Variants in MTA1 observed in about 807,000 individuals in gnomAD.
MTA1 encodes the protein metastasis-associated protein MTA1.
In MTA1, 15 loss-of-function variants were observed where a neutral mutation model predicts 97.0. That is an observed-to-expected ratio of 0.15 (90% CI 0.10 to 0.24). MTA1 has a LOEUF of 0.24. Ranked by LOEUF, MTA1 falls within the 10% of genes least tolerant of loss-of-function variation. MTA1 has a pLI of 1.00. For missense variants in MTA1, 709 were observed against 1,015.1 expected, an observed-to-expected ratio of 0.70 and a Z score of 4.10; for synonymous variants, 435 against 417.5, an observed-to-expected ratio of 1.04 and a Z score of -0.51.
chr14:105,462,181 T>C (rs2083383024), intron 10 of MTA1, among the ~76,000 whole-genome samples: 1 of 152,228 alleles, frequency 6.6e-6, no homozygotes, highest in East Asian at 1.9e-4. Context: ...TTCGGGGCTG[T>C]GTCGAGGGAG....
At chr14:105,429,005 T>C (rs1387142101) in intron 1 of MTA1, among the ~76,000 whole-genome samples, 1 of 152,218 alleles carries the variant, frequency 6.6e-6, no homozygotes. Context: ...ATTACAGGCA[T>C]GAGCCATTGT....
chr14:105,466,074 G>A (rs782749454), intron 16 of MTA1: 116 of 255,666 alleles, frequency 4.5e-4, no homozygotes, highest in Non-Finnish European at 8.2e-4. Flanking sequence ...CAGCAGCTCC[G>A]GGGGCCTGGA....
intron 6 of MTA1, among the ~76,000 whole-genome samples, chr14:105,451,792 T>TG (rs1217744558): frequency 1.4e-5 from 2 of 142,086 alleles, no homozygotes; most frequent in African/African-American, 5.2e-5. Flanking sequence ...TGTTTTTTTT[T>TG]TTTTTTTTTT....
intron 1 of MTA1, among the ~76,000 whole-genome samples, chr14:105,423,623 C>A (rs2081919193): frequency 6.6e-6 from 1 of 152,242 alleles, no homozygotes; most frequent in South Asian, 2.1e-4. Context: ...AGCCCCTGCC[C>A]CTGCAGGGCC....
At chr14:105,467,556 C>T (rs1189637739) in intron 18 of MTA1, 7 of 447,656 alleles carry the variant, frequency 1.6e-5, no homozygotes, top group Non-Finnish European at 2.7e-5. Flanking sequence ...GGCCTGAGAT[C>T]GGGTGCCGGG....
At position 105,464,857 on chromosome 14, in the gene MTA1, G is replaced by A; in HGVS notation, c.1528G>A (p.Ala510Thr). 3 of 1,572,952 alleles carry A rather than the reference G, an allele frequency of 1.9e-6. No homozygotes were observed. The highest frequency in any genetic ancestry group is 2.6e-6 in the Non-Finnish European group (3 of 1,155,494). The change falls in exon 15 of 21, where the codon GCC (alanine) becomes ACC (threonine). Residue 510 changes from alanine (A) to threonine (T), a missense_variant. Physicochemically the swap from Ala to Thr is moderately conservative, Grantham distance 58. This residue lies in a region of MTA1 where 388 missense variants were observed against 421.6 expected (regional missense o/e 0.92). Transcript: ENST00000331320. ...GCCCATCAACAGCGCGGCCATCAAG[G>A]CCGAGTGTGAGTCACCCCAACGCCC... ...YLPINSAAIK[A>T]ECTARLPEAS...
rs587722364 is a variant in MTA1 at position 105,463,501 on chromosome 14, G to A, written c.1026G>A (p.Leu342=). 6.2e-7 allele frequency: 1 copy of A among 1,613,158 alleles called. No individual in the cohort carries two copies. Among genetic ancestry groups the A allele is most frequent in the South Asian group, 1.1e-5 (1 of 91,082 alleles). Reference sequence around the variant, plus strand: ...TTCTCTTTTGTTTTAAGAAACGCTTGAAAGCAGCTGAAGCTGAGAGCAAGT... The same window carrying A: ...TTCTCTTTTGTTTTAAGAAACGCTTAAAAGCAGCTGAAGCTGAGAGCAAGT... The part of the protein sequence containing the change: ...TTDRYVQQKR[L]KAAEAESKLK... Residue 342 remains leucine (L), a synonymous_variant, in exon 12 of 21, where the codon TTG becomes TTA. Transcript: ENST00000331320. This position sits in a 1 kb window ranked among gnomAD's most constrained non-coding sequence, Gnocchi z 5.9.
chr14:105,469,795 G>A (rs1344434006), intron 19 of MTA1, 46 bp from the exon 20 acceptor site: 34 of 1,507,506 alleles, frequency 2.3e-5, no homozygotes, highest in Non-Finnish European at 3.0e-5. Flanking sequence ...GGTTGAGGTG[G>A]AGCTGGCCCT....
At chr14:105,462,548 C>T (rs60837482) in intron 10 of MTA1, among the ~76,000 whole-genome samples, 11,709 of 149,666 alleles carry the variant, frequency 0.078, 1,048 homozygotes, top group African/African-American at 0.22. Context: ...CCAGCCTGGG[C>T]GACAGTGCGA....
intron 7 of MTA1, among the ~76,000 whole-genome samples, chr14:105,455,102 C>T (rs782818514): frequency 6.6e-5 from 10 of 152,102 alleles, no homozygotes; most frequent in Non-Finnish European, 1.2e-4. Flanking sequence ...GACAGGGTTT[C>T]GCCATGTTGC....
At chr14:105,469,300 G>A (rs1363223642) in intron 18 of MTA1, 167 bp from the exon 19 acceptor site, 37 of 714,344 alleles carry the variant, frequency 5.2e-5, no homozygotes, top group South Asian at 3.9e-4. Context: ...CCCAGGACCC[G>A]GGGATGCGAG....
intron 7 of MTA1, 97 bp from the exon 8 acceptor site, chr14:105,458,173 C>G (rs2083223088): frequency 2.0e-6 from 2 of 1,010,370 alleles, no homozygotes. Context: ...GCCCTTCCCC[C>G]TCCCCGTCCC....
chr14:105,458,534 G>T (rs1044878838), intron 8 of MTA1, among the ~76,000 whole-genome samples, 162 bp downstream of exon 8: 7 of 152,202 alleles, frequency 4.6e-5, no homozygotes, highest in African/African-American at 1.7e-4. Context: ...TTCCCAGAGA[G>T]GCTCGGGAGT....
chr14:105,464,479 C>T lies in MTA1; in HGVS notation c.1256C>T (p.Ser419Phe), dbSNP rs1567043452. Residue 419 changes from serine (S) to phenylalanine (F), a missense_variant, in exon 14 of 21, where the codon TCT becomes TTT. Ser to Phe is a radical substitution (Grantham distance 155). Coordinates refer to ENST00000331320, the MANE Select transcript of MTA1 (RefSeq NM_004689.4). ...AACATGCAGTGTCGTCTCTGCGCAT[C>T]TTGTTGGACATATTGGAAGAAATAT... is the stretch of plus-strand genomic sequence containing the variant. ...PPNMQCRLCA[S>F]CWTYWKKYGG... The T allele has an allele frequency of 6.2e-7, 1 of 1,613,650 alleles. No homozygotes were observed. The highest frequency in any genetic ancestry group is 8.5e-7 in the Non-Finnish European group (1 of 1,179,960).
At position 105,463,905 on chromosome 14, in the gene MTA1, C is replaced by A; in HGVS notation, c.1077-127C>A. 1.1e-6 allele frequency: 1 copy of A among 872,580 alleles called. No individual in the cohort carries two copies. Among genetic ancestry groups the A allele is most frequent in the Non-Finnish European group, 1.9e-6 (1 of 528,818 alleles). 54.1% of individuals were successfully genotyped at this position (872,580 alleles called of 1,614,324 possible). A position where few individuals can be genotyped will look rare whatever the true frequency, so the allele number is the denominator to read the frequency against. Reference sequence around the variant, plus strand: ...GAAAGGGGAGAAAGGAAGATCCCTGCCGAGGCCGAGGGGTGCGAGGACGTG... The same window carrying A: ...GAAAGGGGAGAAAGGAAGATCCCTGACGAGGCCGAGGGGTGCGAGGACGTG... On this transcript the variant is annotated intron_variant, in intron 12 of 20. Coordinates refer to ENST00000331320, the MANE Select transcript of MTA1 (RefSeq NM_004689.4). The surrounding 1 kb of genome is among the most constrained non-coding windows in gnomAD (Gnocchi z 5.9).
At chr14:105,425,526 T>G (rs2081980998) in intron 1 of MTA1, among the ~76,000 whole-genome samples, 1 of 152,228 alleles carries the variant, frequency 6.6e-6, no homozygotes, top group Non-Finnish European at 1.5e-5. Flanking sequence ...TCCTCTTGCC[T>G]TGGGCTCCCA....
chr14:105,457,731 G>C (rs1472223401), intron 7 of MTA1, among the ~76,000 whole-genome samples: 2 of 152,224 alleles, frequency 1.3e-5, no homozygotes, highest in Non-Finnish European at 2.9e-5. Flanking sequence ...TTCGAGACCA[G>C]CCTGGGCAAC....
intron 9 of MTA1, 68 bp from the exon 10 acceptor site, chr14:105,460,697 G>T: frequency 1.4e-6 from 2 of 1,453,672 alleles, no homozygotes; most frequent in Non-Finnish European, 1.8e-6. Context: ...ACTGAGGGAG[G>T]GGGTACCGTG....
intron 7 of MTA1, among the ~76,000 whole-genome samples, chr14:105,457,182 G>A (rs782728824): frequency 5.3e-5 from 8 of 152,220 alleles, no homozygotes; most frequent in African/African-American, 7.2e-5. Flanking sequence ...CTATGGAGGC[G>A]GCTGAGAGGT....
Sources: gnomAD v4.1 joint callset for allele counts (sites outside exome capture counted in the v4.1 genomes callset) on GRCh38, gnomAD v4.1.1 for gene constraint, gnomAD v4.1.1 regional missense constraint, Gnocchi (gnomAD v3.1) non-coding constraint, MANE v1.5 for transcripts, NCBI Gene and HGNC (gene_info 2026-07-23, HGNC 2026-07-21) for gene names.